The following ABI3BP variants were observed in gnomAD, a reference collection of about 807,000 sequenced individuals.
The protein encoded by ABI3BP is ABI family member 3 binding protein, also known as target of Nesh-SH3.
Under a neutral mutation model 268.6 loss-of-function variants are expected in ABI3BP, and 216 were observed. That is an observed-to-expected ratio of 0.80 (90% confidence interval 0.72 to 0.90). ABI3BP has a LOEUF of 0.90. Ranked by LOEUF, ABI3BP falls within the 40% of genes least tolerant of loss-of-function variation. The probability of loss-of-function intolerance (pLI) is 0.00; values close to 1 mark genes in which losing one functional copy is unlikely to be tolerated. For synonymous variants in ABI3BP, 730 were observed against 730.0 expected, an observed-to-expected ratio of 1.00 and a Z score of 0.00; for missense variants, 2,090 against 2,182.4, an observed-to-expected ratio of 0.96 and a Z score of 0.84.
rs2098566000 is a variant in ABI3BP, at chr3:100,835,615, G to A, written c.2177C>T (p.Thr726Ile). 6.5e-7 allele frequency: 1 copy of A among 1,535,108 alleles called. No individual in the cohort carries two copies. Among genetic ancestry groups the A allele is most frequent in the African/African-American group, 1.4e-5 (1 of 73,112 alleles). Residue 726 changes from threonine to isoleucine, a missense_variant, in exon 28 of 68, where the codon ACA becomes ATA. Thr to Ile is a moderately conservative substitution (Grantham distance 89). Transcript: ENST00000471714. ...GAGGTCATTACCTAATGTTGTCACT[G>A]TAGCCTCAGTTCTCACAGTTACAGG... ...IEPVTVRTEA[T>I]VTTLAPKTSQ... is the part of the protein sequence containing the mutation.
chr3:100,863,121 A>G (rs1026886167), intron 12 of ABI3BP: 1 of 531,540 alleles, frequency 1.9e-6, no homozygotes, highest in Admixed American at 3.4e-5. Flanking sequence ...AATTTAAGCT[A>G]CTGTATTTGG....
intron 22 of ABI3BP, 123 bp downstream of exon 22, chr3:100,840,695 CAG>C (rs747033700): frequency 3.3e-5 from 25 of 765,024 alleles, no homozygotes; most frequent in Admixed American, 9.9e-5. Flanking sequence ...TTCTGAAGAA[CAG>C]AGCACTCACA....
At chr3:100,824,729 C>T (rs2098334424) in intron 36 of ABI3BP, 129 bp downstream of exon 36, 2 of 657,588 alleles carry the variant, frequency 3.0e-6, no homozygotes, top group Admixed American at 2.9e-5. Context: ...GGAGATGGTA[C>T]TGATGATGCC....
intron 48 of ABI3BP, among the ~76,000 whole-genome samples, chr3:100,810,736 A>G (rs1353918242): frequency 6.6e-6 from 1 of 152,132 alleles, no homozygotes; most frequent in African/African-American, 2.4e-5. Context: ...GATATATTCA[A>G]TAGGAATCAT....
intron 2 of ABI3BP, among the ~76,000 whole-genome samples, chr3:100,917,318 A>G (rs534641857): frequency 2.6e-5 from 4 of 152,334 alleles, no homozygotes; most frequent in African/African-American, 9.6e-5. Context: ...TTCATGGCAT[A>G]GCACTTGGTA....
chr3:100,967,687 T>G (rs919953741), intron 1 of ABI3BP, among the ~76,000 whole-genome samples: 2 of 152,052 alleles, frequency 1.3e-5, no homozygotes, highest in Non-Finnish European at 2.9e-5. Context: ...TTCAATCAAT[T>G]CAAAAACAAT....
At chr3:100,844,606 T>G (rs2098746704) in intron 20 of ABI3BP, 1 of 207,792 alleles carries the variant, frequency 4.8e-6, no homozygotes, top group South Asian at 1.7e-4. Flanking sequence ...TTAGGAGAGC[T>G]ATAAAGGTGG....
At chr3:100,868,663 T>C (rs928008302) in intron 9 of ABI3BP, among the ~76,000 whole-genome samples, 1 of 152,216 alleles carries the variant, frequency 6.6e-6, no homozygotes. Flanking sequence ...CAGGAATTAT[T>C]TAAAATGCCA....
intron 51 of ABI3BP, among the ~76,000 whole-genome samples, chr3:100,800,827 A>G (rs2097514825): frequency 6.6e-6 from 1 of 152,230 alleles, no homozygotes; most frequent in South Asian, 2.1e-4. Context: ...AAAATCATCA[A>G]TAGCTACTTG....
At chr3:100,834,613 C>A (rs893559138) in intron 29 of ABI3BP, 71 bp downstream of exon 29, 18 of 1,404,606 alleles carry the variant, frequency 1.3e-5, no homozygotes, top group Non-Finnish European at 1.8e-5. Context: ...TATAAAGTGG[C>A]ATGTTAAACT....
At chr3:100,757,508 A>G (rs1270945298) in intron 63 of ABI3BP, among the ~76,000 whole-genome samples, 1 of 152,206 alleles carries the variant, frequency 6.6e-6, no homozygotes, top group Non-Finnish European at 1.5e-5. Flanking sequence ...ATTATATCCT[A>G]ATATGTCCAG....
intron 14 of ABI3BP, among the ~76,000 whole-genome samples, chr3:100,856,202 T>G (rs2098938064): frequency 6.6e-6 from 1 of 152,216 alleles, no homozygotes; most frequent in African/African-American, 2.4e-5. Flanking sequence ...TTACTTCTTT[T>G]CAACCACTCT....
chr3:100,991,986 GAT>G (rs2093011971), intron 1 of ABI3BP, among the ~76,000 whole-genome samples: 1 of 152,138 alleles, frequency 6.6e-6, no homozygotes, highest in Non-Finnish European at 1.5e-5. Flanking sequence ...CTTCTCAAAT[GAT>G]ATGTTACTGT....
chr3:100,803,943 A>G (rs1219885798), intron 51 of ABI3BP, among the ~76,000 whole-genome samples: 1 of 152,206 alleles, frequency 6.6e-6, no homozygotes, highest in East Asian at 1.9e-4. Context: ...TGCTTCCAAA[A>G]TGCTATCATT....
At chr3:100,951,048 C>A (rs1263927308) in intron 1 of ABI3BP, among the ~76,000 whole-genome samples, 1 of 151,926 alleles carries the variant, frequency 6.6e-6, no homozygotes, top group Non-Finnish European at 1.5e-5. Context: ...AACAAAATAT[C>A]TATTATTTCC....
rs140884635 is a variant in ABI3BP, at chr3:100,751,811, C to A, written c.5123-137G>T. The A allele has an allele frequency of 3.0e-4, 255 of 843,472 alleles. 3 individuals carry two copies. In the East Asian group the frequency reaches 7.7e-3, roughly 25 times the overall value. The allele number at this position is 843,472 out of a possible 1,614,324, so 52.2% of individuals were successfully genotyped here. ...TAGTTCAAACCAACAATGTTTCTTG[C>A]CTACCTGTATTCTTCCTCCCCTCCC... On this transcript the variant is annotated intron_variant, in intron 66 of 67. Transcript: ENST00000471714.
At chr3:100,852,025 T>C (rs1005633813) in intron 14 of ABI3BP, 85 bp from the exon 15 acceptor site, 1 of 1,238,580 alleles carries the variant, frequency 8.1e-7, no homozygotes, top group Non-Finnish European at 1.1e-6. Context: ...TGACATGTTG[T>C]AATGCTGGTT....
chr3:100,899,514 G>A (rs1582594857), intron 3 of ABI3BP, among the ~76,000 whole-genome samples: 1 of 152,196 alleles, frequency 6.6e-6, no homozygotes, highest in South Asian at 2.1e-4. Flanking sequence ...GGGTAACACA[G>A]GAAGCACAGT....
At position 100,789,459 on chromosome 3, in the gene ABI3BP, C is replaced by G; in HGVS notation, c.4082G>C (p.Arg1361Thr). 6.2e-7 allele frequency: 1 copy of G among 1,600,372 alleles called. No individual in the cohort carries two copies. Among genetic ancestry groups the G allele is most frequent in the Non-Finnish European group, 8.5e-7 (1 of 1,172,912 alleles). The change falls in exon 56 of 68, where the codon AGA (arginine) becomes ACA (threonine). Residue 1361 changes from arginine (R) to threonine (T), a missense_variant. Physicochemically the swap from Arg to Thr is moderately conservative, Grantham distance 71 (BLOSUM62 -1). Coordinates refer to ENST00000471714, the MANE Select transcript of ABI3BP (RefSeq NM_001375547.2). ...TCATCAGAGAAACAACTTACCAGGT[C>G]TGATGTGTGGCTTGTCAGATGTTCT... ...RPRTSDKPHI[R>T]PVLNRTTTRP...
Sources: allele counts gnomAD v4.1 joint callset (sites outside exome capture counted in the v4.1 genomes callset), GRCh38; gene constraint gnomAD v4.1.1; transcripts MANE v1.5; gene names NCBI Gene and HGNC (gene_info 2026-07-23, HGNC 2026-07-21).